The following STX18 variants were observed in gnomAD, a reference collection of about 807,000 sequenced individuals.
The protein encoded by STX18 is syntaxin-18.
STX18 carries 40 observed loss-of-function variants against 50.1 expected under a neutral mutation model. That is an observed-to-expected ratio of 0.80 (90% CI 0.62 to 1.04). The LOEUF is 1.04. STX18 is among the 50% of genes least tolerant of loss of function. STX18 has a pLI of 0.00. For missense variants in STX18, 410 were observed against 415.8 expected (o/e 0.99, Z 0.12); for synonymous variants, 158 against 151.8 (o/e 1.04, Z -0.30).
chr4:4,483,224 C>G (rs754176102), intron 1 of STX18, among the ~76,000 whole-genome samples: 16 of 152,040 alleles, frequency 1.1e-4, no homozygotes, highest in Admixed American at 2.0e-4. Flanking sequence ...TAATATTAAG[C>G]CCCTATCATC....
intron 4 of STX18, 37 bp from the exon 5 acceptor site, chr4:4,457,294 A>G: frequency 1.9e-6 from 3 of 1,601,528 alleles, no homozygotes; most frequent in Non-Finnish European, 2.6e-6. Context: ...GAGACTGCTT[A>G]AAACAGCTTC....
chr4:4,501,368 T>G (rs73796032), intron 1 of STX18, among the ~76,000 whole-genome samples: 3,001 of 152,296 alleles, frequency 0.02, 114 homozygotes, highest in African/African-American at 0.067. Context: ...TCCAGGACCA[T>G]TGCTGCCACC....
At chr4:4,503,511 T>A (rs890240338) in intron 1 of STX18, among the ~76,000 whole-genome samples, 4 of 152,142 alleles carry the variant, frequency 2.6e-5, no homozygotes, top group Admixed American at 2.6e-4. Context: ...AAAATTAAAT[T>A]TCAATTTGCA....
Position 4,444,830 on chromosome 4 carries a change from CAAAT to C in STX18, c.498-6325_498-6322del, listed in dbSNP as rs768075859. Among the ~76,000 whole-genome samples, 15 of 150,052 alleles carry C rather than the reference CAAAT, an allele frequency of 1.0e-4. No homozygotes were observed. In the South Asian group the frequency reaches 1.7e-3, roughly 17 times the overall value. On this transcript the variant is annotated intron_variant, in intron 5 of 10. Transcript: ENST00000306200. Reference sequence around the variant, plus strand: ...ACAAATATGAAAACAAACTAACAAACAAATAAACAAACATGGGTGCGCTGGGTGC... The same window carrying C: ...ACAAATATGAAAACAAACTAACAAACAAACAAACATGGGTGCGCTGGGTGC...
chr4:4,527,787 A>AC (rs1177689416), intron 1 of STX18, among the ~76,000 whole-genome samples: 1 of 145,670 alleles, frequency 6.9e-6, no homozygotes, highest in African/African-American at 2.6e-5. Flanking sequence ...TATATATATA[A>AC]TTTTATATAT....
intron 1 of STX18, among the ~76,000 whole-genome samples, chr4:4,496,494 C>T (rs756012223): frequency 6.6e-6 from 1 of 152,178 alleles, no homozygotes. Flanking sequence ...TCTTGGATTC[C>T]TCACTTGTGG....
chr4:4,432,638 C>G (rs1192499749), intron 7 of STX18, among the ~76,000 whole-genome samples: 7 of 152,214 alleles, frequency 4.6e-5, no homozygotes, highest in Admixed American at 4.6e-4. Context: ...AGGTCCAGAG[C>G]AGTGAGAGGG....
At chr4:4,484,332 G>T (rs904158814) in intron 1 of STX18, among the ~76,000 whole-genome samples, 1 of 152,200 alleles carries the variant, frequency 6.6e-6, no homozygotes, top group Non-Finnish European at 1.5e-5. Flanking sequence ...TGCTTCCCTT[G>T]TTCCAGACTC....
rs1389108625 is a variant in STX18 at position 4,541,818 on chromosome 4, G to A, written c.147C>T (p.Phe49=). 3 of 1,610,430 alleles carry A rather than the reference G, an allele frequency of 1.9e-6. No individual in the cohort carries two copies. Among genetic ancestry groups the A allele is most frequent in the South Asian group, 1.1e-5 (1 of 90,792 alleles). Residue 49 remains phenylalanine, a synonymous_variant, in exon 1 of 11, where the codon TTC becomes TTT. Coordinates refer to ENST00000306200, the MANE Select transcript of STX18 (RefSeq NM_016930.4). ...TCACCACTTCGCGGGCCCGGCTGGA[G>A]AAGTCGCCCTTGGGCCGGGGGCTCC... ...FRRSPRPKGD[F]SSRAREVISH...
Position 4,530,082 on chromosome 4 carries a change from C to G in STX18, c.168+11715G>C, listed in dbSNP as rs7670822. Among the ~76,000 whole-genome samples, 845 of 152,172 alleles carry G rather than the reference C, an allele frequency of 5.6e-3. 5 individuals are homozygous for G. The highest frequency in any genetic ancestry group is 0.019 in the African/African-American group (806 of 41,490). ...CTCATAACATTTTTCTAATCAAAAG[C>G]TATTAATTCTCCATTTCCTACCACA... is the stretch of plus-strand genomic sequence containing the variant. On this transcript the variant is annotated intron_variant, in intron 1 of 10. Coordinates refer to ENST00000306200, the MANE Select transcript of STX18 (RefSeq NM_016930.4).
intron 4 of STX18, 81 bp downstream of exon 4, chr4:4,457,342 A>G (rs1727133906): frequency 1.3e-6 from 2 of 1,555,306 alleles, no homozygotes; most frequent in Non-Finnish European, 1.8e-6. Context: ...GAGATACTAC[A>G]GTCTTCAGCT....
chr4:4,486,965 TACTG>T (rs1728725727), intron 1 of STX18, among the ~76,000 whole-genome samples: 1 of 152,160 alleles, frequency 6.6e-6, no homozygotes, highest in Non-Finnish European at 1.5e-5. Context: ...GCCTTTGAGA[TACTG>T]ACAAAAGCTA....
intron 5 of STX18, among the ~76,000 whole-genome samples, chr4:4,442,041 T>C (rs1409731161): frequency 6.6e-6 from 1 of 152,102 alleles, no homozygotes; most frequent in Admixed American, 6.5e-5. Context: ...GAAAATATCA[T>C]GGAGATTAGG....
At chr4:4,511,122 G>T (rs968553272) in intron 1 of STX18, among the ~76,000 whole-genome samples, 3 of 152,178 alleles carry the variant, frequency 2.0e-5, no homozygotes. Flanking sequence ...GTATACCTAT[G>T]TAACAAACCT....
intron 1 of STX18, chr4:4,476,221 G>A (rs777781450): frequency 1.3e-5 from 2 of 152,182 alleles, no homozygotes; most frequent in African/African-American, 4.8e-5. Context: ...CCATCAGAGA[G>A]GAAGGGTATG....
At chr4:4,522,403 T>C (rs1347368156) in intron 1 of STX18, among the ~76,000 whole-genome samples, 1 of 152,194 alleles carries the variant, frequency 6.6e-6, no homozygotes, top group Non-Finnish European at 1.5e-5. Flanking sequence ...CGTGCCTGCT[T>C]ATGTTATTGT....
intron 5 of STX18, among the ~76,000 whole-genome samples, chr4:4,454,908 G>A (rs1726984576): frequency 6.6e-6 from 1 of 152,232 alleles, no homozygotes; most frequent in Non-Finnish European, 1.5e-5. Flanking sequence ...TAAATGCTTA[G>A]TGGTAGATAA....
intron 1 of STX18, among the ~76,000 whole-genome samples, chr4:4,504,712 G>C (rs918536506): frequency 3.9e-5 from 6 of 152,076 alleles, no homozygotes; most frequent in Non-Finnish European, 5.9e-5. Flanking sequence ...AAAGATGTTT[G>C]GCTTCATTAG....
chr4:4,425,463 C>T (rs1202878371), intron 7 of STX18: 3 of 592,940 alleles, frequency 5.1e-6, no homozygotes, highest in Non-Finnish European at 9.0e-6. Context: ...AACCACTGCA[C>T]TCCAGGGGTA....
Sources: allele counts gnomAD v4.1 joint callset (sites outside exome capture counted in the v4.1 genomes callset), GRCh38; gene constraint gnomAD v4.1.1; transcripts MANE v1.5; gene names NCBI Gene and HGNC (gene_info 2026-07-23, HGNC 2026-07-21).